Variants in LHFPL3 observed in about 807,000 individuals in gnomAD.
LHFPL3 encodes the protein LHFPL tetraspan subfamily member 3 protein.
In LHFPL3, 5 loss-of-function variants were observed where a neutral mutation model predicts 19.3. The observed-to-expected ratio is 0.26, with a 90% CI of 0.14 to 0.54. LHFPL3 has a LOEUF of 0.54. Ranked by LOEUF, LHFPL3 falls within the 20% of genes least tolerant of loss-of-function variation. LHFPL3 has a pLI of 0.94. For missense variants in LHFPL3, 249 were observed against 307.4 expected (o/e 0.81, Z 1.42); for synonymous variants, 133 against 126.2 (o/e 1.05, Z -0.36).
At chr7:104,595,000 G>A (rs1230160198) in intron 1 of LHFPL3, among the ~76,000 whole-genome samples, 1 of 152,154 alleles carries the variant, frequency 6.6e-6, no homozygotes, top group African/African-American at 2.4e-5. Flanking sequence ...TTTTAGCTCG[G>A]AGAAGTTTGT....
chr7:104,354,333 G>A (rs1476379236), intron 1 of LHFPL3, among the ~76,000 whole-genome samples: 2 of 152,182 alleles, frequency 1.3e-5, no homozygotes. Flanking sequence ...TACCACACCA[G>A]ACAACTGGGA....
chr7:104,487,895 G>T (rs1213111315), intron 1 of LHFPL3, among the ~76,000 whole-genome samples: 1 of 152,088 alleles, frequency 6.6e-6, no homozygotes, highest in Non-Finnish European at 1.5e-5. Flanking sequence ...GAGGGGCAAG[G>T]GTACTATTAC....
chr7:104,848,425 G>A (rs1295065515), intron 2 of LHFPL3, among the ~76,000 whole-genome samples: 2 of 152,172 alleles, frequency 1.3e-5, no homozygotes, highest in African/African-American at 4.8e-5. Context: ...TCCCGCTGAT[G>A]ATGATGGGCA....
At chr7:104,775,144 C>T (rs1794618230) in intron 2 of LHFPL3, among the ~76,000 whole-genome samples, 1 of 152,294 alleles carries the variant, frequency 6.6e-6, no homozygotes, top group South Asian at 2.1e-4. Flanking sequence ...GTAATTCTAG[C>T]ACTTTGGGAG....
intron 1 of LHFPL3, among the ~76,000 whole-genome samples, chr7:104,556,869 A>T (rs1405122760): frequency 6.6e-6 from 1 of 152,160 alleles, no homozygotes; most frequent in African/African-American, 2.4e-5. Context: ...AATTTCTTCC[A>T]CCAGATACCC....
intron 1 of LHFPL3, among the ~76,000 whole-genome samples, chr7:104,342,230 G>C (rs753524385): frequency 4.6e-5 from 7 of 151,908 alleles, no homozygotes; most frequent in South Asian, 2.1e-4. Flanking sequence ...GTTCTAAACA[G>C]CCCTTTGGTC....
At chr7:104,822,915 T>C (rs932026117) in intron 2 of LHFPL3, among the ~76,000 whole-genome samples, 14 of 152,008 alleles carry the variant, frequency 9.2e-5, no homozygotes, top group African/African-American at 3.1e-4. Context: ...GAAGTGCGAG[T>C]TTAGTGTCTA....
chr7:104,381,200 A>G (rs1790821417), intron 1 of LHFPL3, among the ~76,000 whole-genome samples: 1 of 152,170 alleles, frequency 6.6e-6, no homozygotes, highest in Non-Finnish European at 1.5e-5. Flanking sequence ...TGTAAATTAA[A>G]GTGGGTGCTA....
intron 1 of LHFPL3, among the ~76,000 whole-genome samples, chr7:104,596,658 C>T (rs750713372): frequency 3.3e-5 from 5 of 152,176 alleles, no homozygotes; most frequent in Non-Finnish European, 7.3e-5. Flanking sequence ...CTTCAATAAA[C>T]GTCATACCTG....
At chr7:104,358,382 T>C (rs1181793653) in intron 1 of LHFPL3, among the ~76,000 whole-genome samples, 2 of 152,212 alleles carry the variant, frequency 1.3e-5, no homozygotes, top group Non-Finnish European at 2.9e-5. Context: ...GGCTCGAAAT[T>C]GAAACATACT....
At chr7:104,693,237 G>A (rs541802525) in intron 1 of LHFPL3, among the ~76,000 whole-genome samples, 1 of 152,260 alleles carries the variant, frequency 6.6e-6, no homozygotes, top group African/African-American at 2.4e-5. Flanking sequence ...CCTTGTTTTT[G>A]ATTTCACAGG....
chr7:104,402,574 C>A (rs1465655308), intron 1 of LHFPL3, among the ~76,000 whole-genome samples: 1 of 152,190 alleles, frequency 6.6e-6, no homozygotes, highest in Non-Finnish European at 1.5e-5. Flanking sequence ...ACTTATGCTA[C>A]TTCCCATTAC....
At chr7:104,796,370 G>A (rs1394762581) in intron 2 of LHFPL3, 1 of 152,248 alleles carries the variant, frequency 6.6e-6, no homozygotes, top group African/African-American at 2.4e-5. Context: ...TTTGGCATTA[G>A]TGTGGAGGTG....
At chr7:104,653,551 G>A (rs758477148) in intron 1 of LHFPL3, among the ~76,000 whole-genome samples, 1 of 152,118 alleles carries the variant, frequency 6.6e-6, no homozygotes, top group Non-Finnish European at 1.5e-5. Flanking sequence ...TTTTCTTCTT[G>A]TTCTTTTAAC....
chr7:104,710,656 T>C (rs1793285088), intron 1 of LHFPL3, among the ~76,000 whole-genome samples: 2 of 152,214 alleles, frequency 1.3e-5, no homozygotes, highest in African/African-American at 4.8e-5. Context: ...CTTCATTTTC[T>C]ATAAAATGGG....
chr7:104,789,214 C>G (rs1562793940), intron 2 of LHFPL3, among the ~76,000 whole-genome samples: 1 of 152,122 alleles, frequency 6.6e-6, no homozygotes, highest in Non-Finnish European at 1.5e-5. Flanking sequence ...CAATAGCCAG[C>G]CTGAACTGTT....
intron 2 of LHFPL3, among the ~76,000 whole-genome samples, chr7:104,741,006 C>T (rs577863766): frequency 1.3e-5 from 2 of 152,314 alleles, no homozygotes; most frequent in African/African-American, 4.8e-5. Flanking sequence ...GAACTATGCT[C>T]TACTCACAGA....
rs564543573 is a variant in LHFPL3 at position 104,720,471 on chromosome 7, G to A, written c.446-16204G>A. 5.3e-3 allele frequency among the ~76,000 whole-genome samples: 804 copies of A among 152,190 alleles called. 9 individuals are homozygous for A. The highest frequency in any genetic ancestry group is 0.018 in the African/African-American group (738 of 41,538). ...AAACCTAGGCAATACAATTCAGGAC[G>A]TAGGCATGGGCAAGGACTTCATGAC... On this transcript the variant is annotated intron_variant, in intron 1 of 2. Transcript: ENST00000424859.
intron 2 of LHFPL3, chr7:104,752,837 C>G (rs1458902901): frequency 1.6e-5 from 6 of 384,974 alleles, no homozygotes; most frequent in Non-Finnish European, 1.8e-5. Flanking sequence ...TTTAGGTGTA[C>G]AGCAAAACTG....
Sources: gnomAD v4.1 joint callset for allele counts (sites outside exome capture counted in the v4.1 genomes callset) on GRCh38, gnomAD v4.1.1 for gene constraint, MANE v1.5 for transcripts, NCBI Gene and HGNC (gene_info 2026-07-23, HGNC 2026-07-21) for gene names.